The following KHNYN variants were observed in gnomAD, a reference collection of about 807,000 sequenced individuals.
The protein encoded by KHNYN is protein KHNYN.
In KHNYN, 42 loss-of-function variants were observed where a neutral mutation model predicts 62.7. The ratio of observed to expected loss-of-function variants is 0.67; its 90% CI spans 0.52 to 0.87. KHNYN has a LOEUF of 0.87. KHNYN is among the 40% of genes least tolerant of loss of function. KHNYN has a pLI of 0.00. For synonymous variants in KHNYN, 347 were observed against 345.6 expected (o/e 1.00, Z -0.04); for missense variants, 829 against 874.1 (o/e 0.95, Z 0.65).
At chr14:24,424,930 T>G (rs1351054957), upstream of KHNYN, among the ~76,000 whole-genome samples, 2 of 152,200 alleles carry the variant, frequency 1.3e-5, no homozygotes, top group Admixed American at 1.3e-4. Flanking sequence ...AGCCACCAAG[T>G]TGGTAGTACT....
At chr14:24,427,420 C>T (rs1344211831), upstream of KHNYN, 1 of 233,486 alleles carries the variant, frequency 4.3e-6, no homozygotes, top group African/African-American at 2.3e-5. This position sits in a 1 kb window ranked among gnomAD's most constrained non-coding sequence, Gnocchi z 4.4. Context: ...GTCAGGCTCA[C>T]CTGCGCCACC....
At chr14:24,427,691 A>C (rs1207508955), upstream of KHNYN, 2 of 1,105,852 alleles carry the variant, frequency 1.8e-6, no homozygotes, top group African/African-American at 1.5e-5. This position sits in a 1 kb window ranked among gnomAD's most constrained non-coding sequence, Gnocchi z 4.4. Context: ...GATAGGAGCC[A>C]GAGGGAGTCT....
upstream of KHNYN, chr14:24,428,024 C>T (rs762739904): frequency 4.4e-6 from 7 of 1,591,280 alleles, no homozygotes; most frequent in Admixed American, 3.4e-5. Context: ...ATTCCCCAGC[C>T]CTTAGCTCAG....
rs1425603834 is a variant in KHNYN, at chr14:24,441,744, G to A, written c.*4459G>A. 6.2e-7 allele frequency: 1 copy of A among 1,602,490 alleles called. No homozygotes were observed. The highest frequency in any genetic ancestry group is 8.5e-7 in the Non-Finnish European group (1 of 1,176,598). Reference sequence around the variant, plus strand: ...TGGTGATGGCTTTAGCCAGCAATTGGGTGGTCTCTAGGCGGCTGCCGATTA... The same window carrying A: ...TGGTGATGGCTTTAGCCAGCAATTGAGTGGTCTCTAGGCGGCTGCCGATTA... On this transcript the variant is annotated 3_prime_UTR_variant, in exon 8 of 8. Transcript: ENST00000553935.
At position 24,432,078 on chromosome 14, in the gene KHNYN, A is replaced by C. The variant is rs1321874354; in HGVS notation, c.817A>C (p.Lys273Gln). The C allele has an allele frequency of 1.9e-6, 3 of 1,565,234 alleles. No individual in the cohort carries two copies. The African/African-American group carries it at 4.1e-5, about 21-fold the overall frequency. ...GGPREMDWGW[K>Q]ELPGEEAWER... ...TCCCAGGGAGATGGATTGGGGGTGG[A>C]AGGAGTTGCCTGGGGAAGAGGCGTG... Residue 273 changes from lysine to glutamine, a missense_variant, in exon 3 of 8, where the codon AAG becomes CAG. By Grantham distance (53) the Lys-to-Gln change is moderately conservative. Around this residue, in one of 2 missense-constraint regions of KHNYN, gnomAD observed 559 missense variants for 527.0 expected, o/e 1.06. Transcript: ENST00000553935. The surrounding 1 kb of genome is among the most constrained non-coding windows in gnomAD (Gnocchi z 5.6).
upstream of KHNYN, chr14:24,428,983 A>C (rs1178395812): frequency 6.4e-7 from 1 of 1,550,676 alleles, no homozygotes; most frequent in South Asian, 1.2e-5. Context: ...CCAGGGCCAG[A>C]AGCACCAGAA....
upstream of KHNYN, chr14:24,428,451 G>T: frequency 6.2e-7 from 1 of 1,609,234 alleles, no homozygotes; most frequent in South Asian, 1.1e-5. Context: ...AAATGCCCAT[G>T]GCTCAGGGGT....
upstream of KHNYN, chr14:24,429,364 A>G: frequency 3.2e-6 from 2 of 623,978 alleles, no homozygotes; most frequent in Non-Finnish European, 6.0e-6. Flanking sequence ...GCCCTGCTGG[A>G]TGGGACAGCA....
In KHNYN at chr14:24,430,847, G is replaced by A. The variant is rs2139378285; in HGVS notation, c.117G>A (p.Val39=). Residue 39 remains valine, a synonymous_variant, in exon 2 of 8, where the codon GTG becomes GTA. Coordinates refer to ENST00000553935, the MANE Select transcript of KHNYN (RefSeq NM_015299.3). ...TGGAGCGCATCTTCAGCGTGGGGGTGAGCGTCCTTCCGAAGGACTGTCCGG... is the reference window on the plus strand; with the variant it reads ...TGGAGCGCATCTTCAGCGTGGGGGTAAGCGTCCTTCCGAAGGACTGTCCGG... ...PHVERIFSVG[V]SVLPKDCPDN... 2 of 1,613,654 alleles carry A rather than the reference G, an allele frequency of 1.2e-6. No homozygotes were observed.
chr14:24,428,976 G>T, upstream of KHNYN: 1 of 1,550,962 alleles, frequency 6.4e-7, no homozygotes, highest in South Asian at 1.2e-5. Context: ...CCGGCCCCCA[G>T]GGCCAGAAGC....
At chr14:24,428,499 TAGA>T, upstream of KHNYN, 1 of 1,455,672 alleles carries the variant, frequency 6.9e-7, no homozygotes, top group Non-Finnish European at 9.4e-7. Flanking sequence ...GAGTAATGAA[TAGA>T]AGGAGTGGCA....
upstream of KHNYN, chr14:24,428,605 G>A (rs1430483171): frequency 4.7e-5 from 49 of 1,044,528 alleles, no homozygotes; most frequent in Non-Finnish European, 6.0e-5. Flanking sequence ...GGAAACCGTC[G>A]GTGGGGTGGT....
chr14:24,432,477 G>A lies in KHNYN; in HGVS notation c.1216G>A (p.Gly406Arg), dbSNP rs139565226. 2.5e-6 allele frequency: 4 copies of A among 1,613,736 alleles called. No individual in the cohort carries two copies. The highest frequency in any genetic ancestry group is 1.3e-5 in the African/African-American group (1 of 75,050). The change falls in exon 3 of 8, where the codon GGG becomes AGG. Residue 406 changes from glycine to arginine, a missense_variant. Gly to Arg is a moderately radical substitution (Grantham distance 125). Around this residue, in one of 2 missense-constraint regions of KHNYN, gnomAD observed 559 missense variants for 527.0 expected, o/e 1.06. Transcript: ENST00000553935. This position sits in a 1 kb window ranked among gnomAD's most constrained non-coding sequence, Gnocchi z 5.6. Reference sequence around the variant, plus strand: ...GCCTCAATGGAAACGAGGCGCCCGAGGGGGCAACTTGGTGACTGGCACACA... The same window carrying A: ...GCCTCAATGGAAACGAGGCGCCCGAAGGGGCAACTTGGTGACTGGCACACA... ...RGPQWKRGAR[G>R]GNLVTGTQRF... is the part of the protein sequence containing the mutation.
At chr14:24,423,549 G>C in the KHNYN span, among the ~76,000 whole-genome samples, 4 of 152,220 alleles carry the variant, frequency 2.6e-5, no homozygotes, top group African/African-American at 9.6e-5. Context: ...TGGAAGGTGA[G>C]GCTGTCTGCC....
In KHNYN at chr14:24,431,796, C is replaced by G. The variant is rs746154840; in HGVS notation, c.535C>G (p.Leu179Val). The G allele has an allele frequency of 1.2e-6, 2 of 1,613,988 alleles. No homozygotes were observed. Among genetic ancestry groups the G allele is most frequent in the Admixed American group, 1.7e-5 (1 of 60,018 alleles). ...CCCGGGGGATGCCCATAGAGAGGCT[C>G]TGTTGCAGTTGCCCCTGGCTGTCCA... The part of the protein sequence containing the change: ...QSPGDAHREA[L>V]LQLPLAVQEE... Residue 179 changes from leucine (L) to valine (V), a missense_variant, in exon 3 of 8, where the codon CTG becomes GTG. Coordinates refer to ENST00000553935, the MANE Select transcript of KHNYN (RefSeq NM_015299.3).
chr14:24,432,935 GA>G lies in KHNYN; in HGVS notation c.1481del (p.Glu494GlyfsTer36). ...AACCCTATTATGTTCTTTTTCAATA[GA>G]GAGTCACTTCCTGCAAAAGCTGTAT... Reference protein sequence around the residue: ...WRFSKDAKVRESHFLQKLYSL... With the variant: ...WRFSKDAKVRXSHFLQKLYSL... On this transcript the variant is annotated frameshift_variant and splice_region_variant, in exon 5 of 8. Coordinates refer to ENST00000553935, the MANE Select transcript of KHNYN (RefSeq NM_015299.3). LOFTEE classifies it high-confidence loss of function. The surrounding 1 kb of genome is among the most constrained non-coding windows in gnomAD (Gnocchi z 5.6). 1 of 1,614,156 alleles carries G rather than the reference GA, an allele frequency of 6.2e-7. No homozygotes were observed. The highest frequency in any genetic ancestry group is 8.5e-7 in the Non-Finnish European group (1 of 1,180,012).
At position 24,440,206 on chromosome 14, in the gene KHNYN, A is replaced by G. The variant is rs974394839; in HGVS notation, c.*2921A>G. On this transcript the variant is annotated 3_prime_UTR_variant, in exon 8 of 8. Coordinates refer to ENST00000553935, the MANE Select transcript of KHNYN (RefSeq NM_015299.3). ...GCAGCATGATGGCACGCTGTCGCCC[A>G]AAGACAGCTTGCACCACAGCGCTGG... 2 of 1,614,006 alleles carry G rather than the reference A, an allele frequency of 1.2e-6. No individual in the cohort carries two copies. Among genetic ancestry groups the G allele is most frequent in the Non-Finnish European group, 1.7e-6 (2 of 1,179,864 alleles).
Position 24,440,205 on chromosome 14 carries a change from C to T in KHNYN, c.*2920C>T. 6.2e-7 allele frequency: 1 copy of T among 1,613,972 alleles called. No individual in the cohort carries two copies. The highest frequency in any genetic ancestry group is 8.5e-7 in the Non-Finnish European group (1 of 1,179,850). On this transcript the variant is annotated 3_prime_UTR_variant, in exon 8 of 8. Coordinates refer to ENST00000553935, the MANE Select transcript of KHNYN (RefSeq NM_015299.3). The stretch of plus-strand genomic sequence containing the variant: ...AGCAGCATGATGGCACGCTGTCGCC[C>T]AAAGACAGCTTGCACCACAGCGCTG...
intron 1 of KHNYN, 193 bp from the exon 2 acceptor site, chr14:24,430,521 G>C (rs1446214047): frequency 5.2e-5 from 72 of 1,395,700 alleles, no homozygotes; most frequent in Non-Finnish European, 6.7e-5. Context: ...TTGTTTACCG[G>C]GACTTCCTCT....
Sources: gnomAD v4.1 joint callset for allele counts (sites outside exome capture counted in the v4.1 genomes callset) on GRCh38, gnomAD v4.1.1 for gene constraint, gnomAD v4.1.1 regional missense constraint, Gnocchi (gnomAD v3.1) non-coding constraint, MANE v1.5 for transcripts, NCBI Gene and HGNC (gene_info 2026-07-23, HGNC 2026-07-21) for gene names.